The following TSHZ1 variants were observed in gnomAD, a reference collection of about 807,000 sequenced individuals.
The protein encoded by TSHZ1 is teashirt homolog 1.
Under a neutral mutation model 67.1 loss-of-function variants are expected in TSHZ1, and 12 were observed. That is an observed-to-expected ratio of 0.18 (90% CI 0.11 to 0.29). The LOEUF (loss-of-function observed/expected upper bound fraction) is 0.29. Ranked by LOEUF, TSHZ1 falls within the 10% of genes least tolerant of loss-of-function variation. The pLI is 1.00. For missense variants in TSHZ1, 1,305 were observed against 1,413.9 expected, an observed-to-expected ratio of 0.92 and a Z score of 1.23; for synonymous variants, 632 against 622.4, an observed-to-expected ratio of 1.02 and a Z score of -0.23.
intron 1 of TSHZ1, among the ~76,000 whole-genome samples, chr18:75,236,763 A>G (rs1448695811): frequency 6.6e-6 from 1 of 152,164 alleles, no homozygotes; most frequent in Non-Finnish European, 1.5e-5. Flanking sequence ...CTTGCATTAT[A>G]TAATTTCAGT....
intron 1 of TSHZ1, among the ~76,000 whole-genome samples, chr18:75,248,976 G>T (rs965514739): frequency 5.3e-5 from 8 of 152,218 alleles, no homozygotes; most frequent in Non-Finnish European, 1.0e-4. Context: ...AGGCCCAGGT[G>T]TCTGCTTCCT....
chr18:75,273,648 A>G (rs1404382034), intron 1 of TSHZ1, among the ~76,000 whole-genome samples: 1 of 152,196 alleles, frequency 6.6e-6, no homozygotes, highest in Non-Finnish European at 1.5e-5. Context: ...CAGCTCACAC[A>G]TTGTTGGTGT....
At chr18:75,232,927 C>T (rs1049550094) in intron 1 of TSHZ1, among the ~76,000 whole-genome samples, 8 of 152,232 alleles carry the variant, frequency 5.3e-5, no homozygotes, top group East Asian at 1.9e-4. Flanking sequence ...AAGTTTGCCA[C>T]GCACAGTTAG....
intron 1 of TSHZ1, among the ~76,000 whole-genome samples, chr18:75,256,869 G>A (rs1015212190): frequency 1.3e-5 from 2 of 152,200 alleles, no homozygotes; most frequent in African/African-American, 4.8e-5. Flanking sequence ...TAGTTAGGTA[G>A]CTGGAGGTTT....
At chr18:75,231,935 A>T (rs2023004713) in intron 1 of TSHZ1, among the ~76,000 whole-genome samples, 1 of 151,580 alleles carries the variant, frequency 6.6e-6, no homozygotes, top group Non-Finnish European at 1.5e-5. Context: ...TTGAGACAGA[A>T]TCTCGCTTTG....
chr18:75,279,967 G>A (rs151176612), intron 1 of TSHZ1, among the ~76,000 whole-genome samples: 235 of 152,246 alleles, frequency 1.5e-3, no homozygotes, highest in Admixed American at 3.9e-3. Flanking sequence ...ACAGATATTC[G>A]TGAAGAACCA....
intron 1 of TSHZ1, among the ~76,000 whole-genome samples, chr18:75,256,398 A>G (rs899772789): frequency 7.9e-5 from 12 of 152,356 alleles, no homozygotes; most frequent in African/African-American, 2.4e-4. Context: ...TCTGAACCAC[A>G]TGACCCATGG....
intron 1 of TSHZ1, among the ~76,000 whole-genome samples, chr18:75,224,405 C>T (rs941678643): frequency 3.9e-5 from 6 of 152,058 alleles, no homozygotes; most frequent in Non-Finnish European, 8.8e-5. Flanking sequence ...TTCTGATGAG[C>T]GGAAGTGTCA....
At chr18:75,213,517 AACT>A (rs769164733) in intron 1 of TSHZ1, among the ~76,000 whole-genome samples, 9 of 152,244 alleles carry the variant, frequency 5.9e-5, no homozygotes, top group Non-Finnish European at 1.3e-4. Context: ...GTGTTCAGAA[AACT>A]ACTCCTGTAC....
chr18:75,233,816 T>G (rs111542686), intron 1 of TSHZ1, among the ~76,000 whole-genome samples: 221 of 152,290 alleles, frequency 1.5e-3, no homozygotes, highest in Admixed American at 3.8e-3. Context: ...AGCACCTTTT[T>G]TCTAGCGAGC....
chr18:75,282,614 C>T (rs1009736880), intron 1 of TSHZ1, among the ~76,000 whole-genome samples: 3 of 152,160 alleles, frequency 2.0e-5, no homozygotes, highest in Admixed American at 6.5e-5. Context: ...TCTCTCTTTC[C>T]ACCTGCTGGA....
intron 1 of TSHZ1, among the ~76,000 whole-genome samples, chr18:75,223,137 G>A (rs1314746664): frequency 2.6e-5 from 4 of 152,094 alleles, no homozygotes; most frequent in South Asian, 2.1e-4. Flanking sequence ...CTTCCTCTTG[G>A]GAATTCACGG....
At chr18:75,270,037 C>A (rs909286306) in intron 1 of TSHZ1, among the ~76,000 whole-genome samples, 1 of 152,196 alleles carries the variant, frequency 6.6e-6, no homozygotes, top group African/African-American at 2.4e-5. Flanking sequence ...TAGACAAGAA[C>A]CTGATTTTGC....
chr18:75,267,267 A>G (rs770168093), intron 1 of TSHZ1, among the ~76,000 whole-genome samples: 10 of 152,240 alleles, frequency 6.6e-5, no homozygotes, highest in Non-Finnish European at 1.2e-4. Context: ...AATGATGCCA[A>G]CCAAAAACAG....
intron 1 of TSHZ1, 38 bp downstream of exon 1, chr18:75,211,954 C>A: frequency 8.3e-7 from 1 of 1,201,726 alleles, no homozygotes; most frequent in Non-Finnish European, 1.0e-6. Flanking sequence ...GGAGTGGGCG[C>A]CGGGAGGAGC....
At chr18:75,248,216 A>G (rs1301718065) in intron 1 of TSHZ1, among the ~76,000 whole-genome samples, 1 of 152,238 alleles carries the variant, frequency 6.6e-6, no homozygotes, top group Non-Finnish European at 1.5e-5. Flanking sequence ...TAGCTCTGTC[A>G]TAATATCAGT....
chr18:75,278,370 G>C (rs1212270263), intron 1 of TSHZ1, among the ~76,000 whole-genome samples: 1 of 152,182 alleles, frequency 6.6e-6, no homozygotes, highest in African/African-American at 2.4e-5. Context: ...CAAGGTGCTG[G>C]GTTGCTCCTG....
chr18:75,268,194 C>A (rs2023515212), intron 1 of TSHZ1, among the ~76,000 whole-genome samples: 1 of 152,234 alleles, frequency 6.6e-6, no homozygotes, highest in Non-Finnish European at 1.5e-5. Context: ...CCTTCCTCTT[C>A]ATTTTCCAAT....
chr18:75,212,437 CTT>C (rs2022711361), intron 1 of TSHZ1, among the ~76,000 whole-genome samples: 1 of 151,670 alleles, frequency 6.6e-6, no homozygotes, highest in Admixed American at 6.6e-5. Context: ...CTAAAGATGT[CTT>C]TTGATCAGGC....
Sources: gnomAD v4.1 joint callset for allele counts (sites outside exome capture counted in the v4.1 genomes callset) on GRCh38, gnomAD v4.1.1 for gene constraint, MANE v1.5 for transcripts, NCBI Gene and HGNC (gene_info 2026-07-23, HGNC 2026-07-21) for gene names.